AAAS: variants seen among roughly 807,000 people sequenced by gnomAD.
The protein encoded by AAAS is aladin WD repeat nucleoporin.
AAAS carries 60 observed loss-of-function variants against 75.6 expected under a neutral mutation model. That is an observed-to-expected ratio of 0.79 (90% CI 0.64 to 0.98). AAAS has a LOEUF of 0.98. AAAS is among the 50% of genes least tolerant of loss of function. AAAS has a pLI of 0.00. For synonymous variants in AAAS, 271 were observed against 265.0 expected, an observed-to-expected ratio of 1.02 and a Z score of -0.22; for missense variants, 658 against 686.9, an observed-to-expected ratio of 0.96 and a Z score of 0.47.
rs61739860 is a variant in AAAS at position 53,308,088 on chromosome 12, C to T, written c.1295G>A (p.Arg432His). The change falls in exon 14 of 16, where the codon CGC (arginine) becomes CAC (histidine). Residue 432 changes from arginine to histidine, a missense_variant. Transcript: ENST00000209873. ...CTCAAACACAGGGCTGTTTCGAGTG[C>T]GAAAAAGGAGGATGACTGGTTTACC... ...QDGKPVILLF[R>H]TRNSPVFELL... 102 of 1,613,908 alleles carry T rather than the reference C, an allele frequency of 6.3e-5. No individual in the cohort carries two copies. Among genetic ancestry groups the T allele is most frequent in the Admixed American group, 8.3e-5 (5 of 60,000 alleles).
At chr12:53,312,834 A>ATG (rs1158027819) in intron 7 of AAAS, among the ~76,000 whole-genome samples, 1 of 144,096 alleles carries the variant, frequency 6.9e-6, no homozygotes, top group African/African-American at 2.6e-5. Context: ...TAAAACATAT[A>ATG]TGTGTGTGTG....
intron 3 of AAAS, 96 bp downstream of exon 3, chr12:53,315,631 A>G: frequency 2.7e-6 from 4 of 1,473,526 alleles, no homozygotes; most frequent in Non-Finnish European, 3.7e-6. Context: ...AAATAGGGCT[A>G]AAAGAGGCTG....
chr12:53,311,238 C>T (rs1443846598), intron 7 of AAAS, among the ~76,000 whole-genome samples: 3 of 152,148 alleles, frequency 2.0e-5, no homozygotes, highest in Non-Finnish European at 4.4e-5. Flanking sequence ...GCCATCACGC[C>T]TGGCCTTGTT....
intron 2 of AAAS, among the ~76,000 whole-genome samples, chr12:53,317,243 T>C (rs1944476696): frequency 6.6e-6 from 1 of 151,482 alleles, no homozygotes; most frequent in African/African-American, 2.4e-5. Flanking sequence ...GTCAAGATGG[T>C]GAAACCTCAT....
chr12:53,313,322 T>G (rs143812668), intron 7 of AAAS, among the ~76,000 whole-genome samples: 10,083 of 151,560 alleles, frequency 0.067, 611 homozygotes, highest in African/African-American at 0.14. Context: ...CACCACCACG[T>G]CCAGCTAATT....
intron 1 of AAAS, 57 bp from the exon 2 acceptor site, chr12:53,320,749 T>A: frequency 6.2e-7 from 1 of 1,600,510 alleles, no homozygotes; most frequent in South Asian, 1.1e-5. Flanking sequence ...AAATCTTTAA[T>A]TCCGTGCCAT....
intron 7 of AAAS, among the ~76,000 whole-genome samples, chr12:53,312,862 A>ATT (rs34960645): frequency 7.4e-6 from 1 of 135,232 alleles, no homozygotes; most frequent in African/African-American, 2.8e-5. Flanking sequence ...ATATATATAT[A>ATT]TTTTTTTTTT....
intron 5 of AAAS, 116 bp downstream of exon 5, chr12:53,314,978 G>A: frequency 1.4e-6 from 2 of 1,480,330 alleles, no homozygotes; most frequent in South Asian, 1.1e-5. Flanking sequence ...GGGAACAGGA[G>A]GAATGAGAAT....
Position 53,315,795 on chromosome 12 carries a change from G to A in AAAS, c.252-13C>T. 5 of 1,613,296 alleles carry A rather than the reference G, an allele frequency of 3.1e-6. No homozygotes were observed. The highest frequency in any genetic ancestry group is 4.2e-6 in the Non-Finnish European group (5 of 1,179,630). On this transcript the variant is annotated splice_polypyrimidine_tract_variant and intron_variant, in intron 2 of 15. Transcript: ENST00000209873. ...GCCCACATCACGCCTGATAAGGGAG[G>A]AAAATGTGGGTCAGCTTACTCTGAT...
intron 3 of AAAS, 126 bp from the exon 4 acceptor site, chr12:53,315,552 C>T (rs1432089605): frequency 4.2e-6 from 5 of 1,184,520 alleles, no homozygotes; most frequent in Admixed American, 2.0e-5. Context: ...GCTCTCAACA[C>T]CACACTCTGG....
At chr12:53,317,635 C>CA (rs1430773533) in intron 2 of AAAS, among the ~76,000 whole-genome samples, 1 of 150,634 alleles carries the variant, frequency 6.6e-6, no homozygotes, top group Non-Finnish European at 1.5e-5. Flanking sequence ...CCCAGCTACT[C>CA]AGAGGCTGAG....
chr12:53,318,208 T>G (rs1944492251), intron 2 of AAAS, among the ~76,000 whole-genome samples: 1 of 134,436 alleles, frequency 7.4e-6, no homozygotes, highest in African/African-American at 2.7e-5. Flanking sequence ...AAATTTTTTG[T>G]AGAGATGGGG....
chr12:53,309,027 C>CAGA lies in AAAS; in HGVS notation c.936-10_936-8dup. The CAGA allele has an allele frequency of 1.2e-6, 2 of 1,614,198 alleles. No individual in the cohort carries two copies. Among genetic ancestry groups the CAGA allele is most frequent in the Non-Finnish European group, 1.7e-6 (2 of 1,180,048 alleles). On this transcript the variant is annotated splice_polypyrimidine_tract_variant and splice_region_variant and intron_variant, in intron 9 of 15. Coordinates refer to ENST00000209873, the MANE Select transcript of AAAS (RefSeq NM_015665.6). ...CATCTGGGCCTCCCAGACTCTGAGC[C>CAGA]AGAGAAAAGCAAATTACAGCTCAGG... is the stretch of plus-strand genomic sequence containing the variant.
intron 7 of AAAS, among the ~76,000 whole-genome samples, chr12:53,311,680 C>T (rs1410873317): frequency 6.6e-6 from 1 of 152,164 alleles, no homozygotes; most frequent in African/African-American, 2.4e-5. Context: ...TTCGGGAGGC[C>T]GAGGCAGGCG....
intron 2 of AAAS, among the ~76,000 whole-genome samples, chr12:53,318,252 G>A (rs1944496245): frequency 1.4e-5 from 2 of 145,054 alleles, no homozygotes; most frequent in East Asian, 4.2e-4. Context: ...GTGCGTGTGT[G>A]TGTGTGTGTG....
At chr12:53,314,622 T>C in intron 6 of AAAS, 129 bp downstream of exon 6, 1 of 1,319,082 alleles carries the variant, frequency 7.6e-7, no homozygotes, top group Non-Finnish European at 1.1e-6. Flanking sequence ...GTTATGGAGC[T>C]TCCCTGACCC....
At chr12:53,311,410 C>A (rs778417967) in intron 7 of AAAS, among the ~76,000 whole-genome samples, 1 of 152,126 alleles carries the variant, frequency 6.6e-6, no homozygotes. Context: ...TATAGGCGCA[C>A]GCCACCACAC....
intron 7 of AAAS, among the ~76,000 whole-genome samples, chr12:53,310,492 G>A (rs574176245): frequency 6.3e-4 from 96 of 151,988 alleles, no homozygotes; most frequent in Non-Finnish European, 1.1e-3. Context: ...CCCGGGAGGC[G>A]GAGGTTGCAG....
rs1944331389 is a variant in AAAS at position 53,308,469 on chromosome 12, C to G, written c.1147G>C (p.Glu383Gln). Reference protein sequence around the residue: ...KSATIVADLSETTIQTPDGEE... With the variant: ...KSATIVADLSQTTIQTPDGEE... ...CCATCTGGTGTCTGTATTGTTGTCT[C>G]AGACAGATCTGCCACAATCGTTGCT... The change falls in exon 12 of 16, where the codon GAG (glutamate) becomes CAG (glutamine). Residue 383 changes from glutamate (E) to glutamine (Q), a missense_variant. Glu to Gln is a conservative substitution (Grantham distance 29). Coordinates refer to ENST00000209873, the MANE Select transcript of AAAS (RefSeq NM_015665.6). 6.2e-7 allele frequency: 1 copy of G among 1,614,004 alleles called. No homozygotes were observed. The highest frequency in any genetic ancestry group is 2.2e-5 in the East Asian group (1 of 44,878).
Sources: allele counts gnomAD v4.1 joint callset (sites outside exome capture counted in the v4.1 genomes callset), GRCh38; gene constraint gnomAD v4.1.1; transcripts MANE v1.5; gene names NCBI Gene and HGNC (gene_info 2026-07-23, HGNC 2026-07-21).